Variants in LGSN observed in about 807,000 individuals in gnomAD.
The protein encoded by LGSN is lengsin, lens protein with glutamine synthetase domain.
A neutral mutation model predicts 19.5 loss-of-function variants in LGSN; 21 were observed. The observed-to-expected ratio is 1.07, with a 90% CI of 0.76 to 1.55. The LOEUF is 1.55. LGSN is among the 40% of genes most tolerant of loss of function. The pLI, the probability that LGSN is intolerant of heterozygous loss-of-function variation, is 0.00. For missense variants in LGSN, 673 were observed against 608.5 expected (o/e 1.11, Z -1.12); for synonymous variants, 257 against 215.6 (o/e 1.19, Z -1.68).
chr6:63,366,544 C>T, the LGSN span, among the ~76,000 whole-genome samples: 1 of 152,116 alleles, frequency 6.6e-6, no homozygotes, highest in African/African-American at 2.4e-5. Context: ...AATGCCATCC[C>T]CATCAAGCTA....
At chr6:63,463,543 CTTTA>C in the LGSN span, among the ~76,000 whole-genome samples, 1 of 152,042 alleles carries the variant, frequency 6.6e-6, no homozygotes, top group African/African-American at 2.4e-5. Flanking sequence ...AAAAGTAATA[CTTTA>C]TTTATTTGCT....
At chr6:63,354,631 A>C in the LGSN span, among the ~76,000 whole-genome samples, 3 of 152,050 alleles carry the variant, frequency 2.0e-5, no homozygotes, top group Admixed American at 6.6e-5. Context: ...ATCTATCACT[A>C]CTGGGCAATT....
At chr6:63,412,758 AG>A in the LGSN span, among the ~76,000 whole-genome samples, 647 of 39,178 alleles carry the variant, frequency 0.017, 17 homozygotes, top group Middle Eastern at 0.027. Flanking sequence ...AAAGAAAGAA[AG>A]AAAGAAAGAA....
chr6:63,497,270 T>C, the LGSN span, among the ~76,000 whole-genome samples: 80,926 of 151,636 alleles, frequency 0.53, 23,428 homozygotes, highest in African/African-American at 0.77. Context: ...ATATTAGGGC[T>C]GAGTGCAGTA....
chr6:63,400,078 C>T, the LGSN span, among the ~76,000 whole-genome samples: 3 of 152,104 alleles, frequency 2.0e-5, no homozygotes, highest in Admixed American at 6.5e-5. Context: ...AAAAATAGCC[C>T]TCATTTTGTT....
chr6:63,339,683 G>T, the LGSN span, among the ~76,000 whole-genome samples: 2 of 152,002 alleles, frequency 1.3e-5, no homozygotes, highest in East Asian at 1.9e-4. Context: ...AATCAAGATT[G>T]TTATCAATAG....
chr6:63,391,758 G>T, the LGSN span, among the ~76,000 whole-genome samples: 2 of 152,138 alleles, frequency 1.3e-5, no homozygotes, highest in African/African-American at 2.4e-5. Context: ...TGTCTCAAAG[G>T]TTAATCCTTG....
At chr6:63,472,765 CCT>C in the LGSN span, among the ~76,000 whole-genome samples, 3 of 151,846 alleles carry the variant, frequency 2.0e-5, no homozygotes, top group African/African-American at 7.3e-5. Flanking sequence ...GCAGTGAAAC[CCT>C]GTCTCTACTA....
At chr6:63,412,424 A>G in the LGSN span, among the ~76,000 whole-genome samples, 1,105 of 129,790 alleles carry the variant, frequency 8.5e-3, 26 homozygotes, top group African/African-American at 0.023. Context: ...AGAAGAAAGA[A>G]AGAAAGAAAG....
At chr6:63,496,987 A>G in the LGSN span, among the ~76,000 whole-genome samples, 1 of 152,020 alleles carries the variant, frequency 6.6e-6, no homozygotes, top group East Asian at 1.9e-4. Context: ...AAAATCCTTG[A>G]TTGAAATATG....
At chr6:63,418,386 C>T in the LGSN span, among the ~76,000 whole-genome samples, 1 of 152,022 alleles carries the variant, frequency 6.6e-6, no homozygotes, top group Non-Finnish European at 1.5e-5. Context: ...CATGGTGAAA[C>T]CCCGTCTCTA....
chr6:63,476,943 T>C, the LGSN span, among the ~76,000 whole-genome samples: 1 of 152,252 alleles, frequency 6.6e-6, no homozygotes, highest in Non-Finnish European at 1.5e-5. Context: ...TCTTCCCATC[T>C]AAATTTGGAA....
the LGSN span, among the ~76,000 whole-genome samples, chr6:63,467,580 C>T: frequency 1.3e-5 from 2 of 152,216 alleles, no homozygotes; most frequent in Non-Finnish European, 2.9e-5. Context: ...TGTGACTGCA[C>T]ATGGACGTTT....
chr6:63,553,151 A>G, the LGSN span, among the ~76,000 whole-genome samples: 2 of 152,216 alleles, frequency 1.3e-5, no homozygotes, highest in African/African-American at 4.8e-5. Context: ...AAAGTATACA[A>G]TTCAAATTTG....
At chr6:63,353,830 GAAATAAGTCTACATATAA>G in the LGSN span, among the ~76,000 whole-genome samples, 1 of 151,980 alleles carries the variant, frequency 6.6e-6, no homozygotes, top group Non-Finnish European at 1.5e-5. Context: ...AGAGAACCTG[GAAATAAGTCTACATATAA>G]GGCAACTGAT....
chr6:63,362,835 T>A, the LGSN span, among the ~76,000 whole-genome samples: 1 of 152,138 alleles, frequency 6.6e-6, no homozygotes, highest in Non-Finnish European at 1.5e-5. Flanking sequence ...GTCTGACAGG[T>A]CTGAAGAGAG....
the LGSN span, among the ~76,000 whole-genome samples, chr6:63,366,970 C>G: frequency 6.6e-6 from 1 of 151,848 alleles, no homozygotes; most frequent in African/African-American, 2.4e-5. Flanking sequence ...AATGTTAGAC[C>G]TAAAACCATA....
the LGSN span, among the ~76,000 whole-genome samples, chr6:63,498,534 C>T: frequency 2.6e-5 from 4 of 152,060 alleles, no homozygotes; most frequent in East Asian, 1.9e-4. Flanking sequence ...TCTTGTTCTC[C>T]GATCTTCACC....
chr6:63,327,251 C>A, the LGSN span, among the ~76,000 whole-genome samples: 1 of 152,138 alleles, frequency 6.6e-6, no homozygotes, highest in Admixed American at 6.5e-5. Flanking sequence ...AGCTTGATGG[C>A]CTCGATTCTA....
Sources: allele counts gnomAD v4.1 joint callset (sites outside exome capture counted in the v4.1 genomes callset), GRCh38; gene constraint gnomAD v4.1.1; transcripts MANE v1.5; gene names NCBI Gene and HGNC (gene_info 2026-07-23, HGNC 2026-07-21).